RBFOX1: variants seen among roughly 807,000 people sequenced by gnomAD.
RBFOX1 encodes the protein RNA binding protein fox-1 homolog 1.
Under a neutral mutation model 57.7 loss-of-function variants are expected in RBFOX1, and 8 were observed. That is an observed-to-expected ratio of 0.14 (90% CI 0.08 to 0.25). The LOEUF (loss-of-function observed/expected upper bound fraction) is 0.25, where lower values mean the gene tolerates loss of function less well. Among genes scored for constraint, RBFOX1 ranks in the 10% least tolerant of loss-of-function variants. The pLI is 1.00. For synonymous variants in RBFOX1, 326 were observed against 222.4 expected, an observed-to-expected ratio of 1.47 and a Z score of -4.15; for missense variants, 611 against 548.5, an observed-to-expected ratio of 1.11 and a Z score of -1.14.
At chr16:5,981,390 G>C (rs2060169588) in intron 4 of RBFOX1, among the ~76,000 whole-genome samples, 1 of 152,186 alleles carries the variant, frequency 6.6e-6, no homozygotes, top group Non-Finnish European at 1.5e-5. Flanking sequence ...AAACTTCCCA[G>C]ATAATGCTAA....
At chr16:7,543,879 C>G (rs1410514905) in intron 5 of RBFOX1, among the ~76,000 whole-genome samples, 1 of 98,164 alleles carries the variant, frequency 1.0e-5, no homozygotes, top group Non-Finnish European at 2.3e-5. Context: ...CACCACCACG[C>G]CCAGCTAATT....
chr16:7,362,488 T>A (rs1455552527), intron 4 of RBFOX1, among the ~76,000 whole-genome samples: 1 of 149,798 alleles, frequency 6.7e-6, no homozygotes, highest in African/African-American at 2.5e-5. Context: ...GTGTTTTGTG[T>A]ATATGTTAGT....
intron 1 of RBFOX1, among the ~76,000 whole-genome samples, chr16:6,184,856 C>A (rs564805313): frequency 4.9e-4 from 75 of 152,098 alleles, no homozygotes; most frequent in African/African-American, 1.6e-3. Context: ...CATGAGCCAC[C>A]GCTTCTGGTC....
At position 7,226,719 on chromosome 16, in the gene RBFOX1, T is replaced by A. The variant is rs145784591; in HGVS notation, c.27+174621T>A. On this transcript the variant is annotated intron_variant, in intron 4 of 15. Coordinates refer to ENST00000550418, the MANE Select transcript of RBFOX1 (RefSeq NM_018723.4). ...TACTGTAGAGGAGTTCAGAGATACG[T>A]CTAAAGTCACAGTTAATCAAGAGGA... Among the ~76,000 whole-genome samples, 770 of 152,338 alleles carry A rather than the reference T, an allele frequency of 5.1e-3. 10 individuals are homozygous for A. The highest frequency in any genetic ancestry group is 0.018 in the African/African-American group (741 of 41,576).
intron 3 of RBFOX1, among the ~76,000 whole-genome samples, chr16:6,855,854 C>CCTGTTTCCCTCA (rs2057781233): frequency 1.1e-5 from 1 of 94,318 alleles, no homozygotes; most frequent in Non-Finnish European, 2.7e-5. Flanking sequence ...TCTTTCCCTC[C>CCTGTTTCCCTCA]CTTCCTTTCT....
At chr16:5,546,961 C>G (rs1300845391) in intron 2 of RBFOX1, among the ~76,000 whole-genome samples, 5 of 151,992 alleles carry the variant, frequency 3.3e-5, no homozygotes, top group Non-Finnish European at 5.9e-5. Context: ...AGACATTTTA[C>G]CAAATTAGAT....
chr16:7,277,064 T>G (rs560239669), intron 4 of RBFOX1, among the ~76,000 whole-genome samples: 1 of 152,240 alleles, frequency 6.6e-6, no homozygotes, highest in Admixed American at 6.5e-5. Flanking sequence ...CCTTTAAGAA[T>G]AGCAAACGTT....
chr16:5,544,092 C>G (rs1294802902), intron 2 of RBFOX1, among the ~76,000 whole-genome samples: 2 of 152,102 alleles, frequency 1.3e-5, no homozygotes, highest in Non-Finnish European at 2.9e-5. Context: ...CAGAGCCCAC[C>G]ACCCAACAAC....
chr16:6,637,197 TTA>T (rs1257081613), intron 2 of RBFOX1, among the ~76,000 whole-genome samples: 3 of 73,560 alleles, frequency 4.1e-5, no homozygotes, highest in Non-Finnish European at 6.8e-5. Flanking sequence ...ACAATATATA[TTA>T]TATATTATAT....
At chr16:6,500,564 A>G (rs1172143436) in intron 2 of RBFOX1, among the ~76,000 whole-genome samples, 1 of 152,188 alleles carries the variant, frequency 6.6e-6, no homozygotes, top group Non-Finnish European at 1.5e-5. Context: ...TGAACACAAT[A>G]GAGTCCCTTC....
At chr16:5,970,507 G>T (rs2059940944) in intron 4 of RBFOX1, among the ~76,000 whole-genome samples, 1 of 152,096 alleles carries the variant, frequency 6.6e-6, no homozygotes. Flanking sequence ...AAGCCAGAAT[G>T]CACGCTAATC....
At chr16:6,354,135 G>A (rs942976879) in intron 2 of RBFOX1, among the ~76,000 whole-genome samples, 11 of 151,984 alleles carry the variant, frequency 7.2e-5, no homozygotes, top group Non-Finnish European at 1.0e-4. Flanking sequence ...TGGGAGGATC[G>A]CTTGAACTCA....
chr16:5,247,431 C>T (rs573524761), intron 1 of RBFOX1, among the ~76,000 whole-genome samples: 38 of 152,330 alleles, frequency 2.5e-4, no homozygotes, highest in South Asian at 4.1e-4. Flanking sequence ...GAGACCCTCA[C>T]ATCTGTGCAC....
intron 4 of RBFOX1, among the ~76,000 whole-genome samples, chr16:5,962,383 A>T (rs899199117): frequency 3.9e-5 from 6 of 152,288 alleles, no homozygotes; most frequent in Non-Finnish European, 7.4e-5. Flanking sequence ...CCTAGATATG[A>T]AGCACTCAGG....
Position 5,629,994 on chromosome 16 carries a change from T to C in RBFOX1, c.318+31033T>C, listed in dbSNP as rs9936923. 5.3e-3 allele frequency among the ~76,000 whole-genome samples: 811 copies of C among 152,294 alleles called. 9 individuals carry two copies. The highest frequency in any genetic ancestry group is 0.019 in the African/African-American group (773 of 41,576). ...GTGACTGCTGTTATTTGGTTGGGGA[T>C]AGGATCTCTCTATGTCCTGGGAGGT... On this transcript the variant is annotated intron_variant, in intron 3 of 19. Coordinates refer to the RBFOX1 transcript ENST00000641259.
intron 3 of RBFOX1, among the ~76,000 whole-genome samples, chr16:6,859,118 TATATATATATAC>T (rs1311645558): frequency 9.1e-5 from 5 of 55,248 alleles, no homozygotes; most frequent in African/African-American, 5.1e-4. Context: ...AGTGTATATA[TATATATATATAC>T]ATATATATAC....
intron 4 of RBFOX1, among the ~76,000 whole-genome samples, chr16:7,089,632 C>G (rs1056965678): frequency 6.6e-6 from 1 of 152,096 alleles, no homozygotes; most frequent in Admixed American, 6.5e-5. Context: ...AGTTTGTTAG[C>G]TCTTACATAT....
chr16:5,311,889 T>C (rs2064100100), intron 1 of RBFOX1, among the ~76,000 whole-genome samples: 1 of 152,206 alleles, frequency 6.6e-6, no homozygotes, highest in African/African-American at 2.4e-5. Context: ...TTCCTTCTCT[T>C]GACTCCCATG....
chr16:6,302,287 G>A (rs981797897), intron 1 of RBFOX1, among the ~76,000 whole-genome samples: 20 of 151,568 alleles, frequency 1.3e-4, no homozygotes, highest in Admixed American at 2.6e-4. Context: ...TCTCCCACAC[G>A]GAGATGCTGA....
Sources: gnomAD v4.1 joint callset for allele counts (sites outside exome capture counted in the v4.1 genomes callset) on GRCh38, gnomAD v4.1.1 for gene constraint, MANE v1.5 for transcripts, NCBI Gene and HGNC (gene_info 2026-07-23, HGNC 2026-07-21) for gene names.